Variants in BSN observed in about 807,000 individuals in gnomAD.
BSN encodes the protein protein bassoon.
In BSN, 57 loss-of-function variants were observed where a neutral mutation model predicts 264.8. The observed-to-expected ratio is 0.22, with a 90% CI of 0.17 to 0.27. BSN has a LOEUF of 0.27. BSN is among the 10% of genes least tolerant of loss of function. The pLI is 1.00. For synonymous variants in BSN, 2,059 were observed against 2,137.3 expected (o/e 0.96, Z 1.01); for missense variants, 4,615 against 5,232.5 (o/e 0.88, Z 3.64).
At chr3:49,645,592 C>T (rs1299887280) in intron 3 of BSN, among the ~76,000 whole-genome samples, 2 of 152,214 alleles carry the variant, frequency 1.3e-5, no homozygotes, top group African/African-American at 2.4e-5. Context: ...TGCAGCTTCA[C>T]CTGCCTTGGG....
At chr3:49,596,228 C>T (rs1277147978) in intron 1 of BSN, among the ~76,000 whole-genome samples, 1 of 152,022 alleles carries the variant, frequency 6.6e-6, no homozygotes, top group East Asian at 1.9e-4. Context: ...CACGGTGAAA[C>T]CCTGTCTCTA....
intron 2 of BSN, among the ~76,000 whole-genome samples, chr3:49,637,599 A>G (rs2052428937): frequency 2.6e-5 from 4 of 152,284 alleles, no homozygotes; most frequent in Admixed American, 2.0e-4. Flanking sequence ...GGCCAGTGCC[A>G]CCTTAGCTGC....
Position 49,658,044 on chromosome 3 carries a change from G to A in BSN, c.8488G>A (p.Ala2830Thr), listed in dbSNP as rs1413486534. Residue 2830 changes from alanine to threonine, a missense_variant, in exon 5 of 12, where the codon GCT becomes ACT. Physicochemically the swap from Ala to Thr is moderately conservative, Grantham distance 58. Around this residue, in one of 3 missense-constraint regions of BSN, gnomAD observed 3,415 missense variants for 3,866.4 expected, o/e 0.88. Transcript: ENST00000296452. ...AHVSPQKHFTADSALRQQTLP... is the reference protein window; with the variant it reads ...AHVSPQKHFTTDSALRQQTLP... ...CGTGAGTCCCCAGAAGCACTTCACG[G>A]CTGACAGCGCTCTCCGCCAGCAGAC... is the stretch of plus-strand genomic sequence containing the variant. The A allele has an allele frequency of 6.2e-7, 1 of 1,613,468 alleles. No homozygotes were observed. Among genetic ancestry groups the A allele is most frequent in the African/African-American group, 1.3e-5 (1 of 75,022 alleles).
At chr3:49,571,599 G>A (rs1341605450) in intron 1 of BSN, among the ~76,000 whole-genome samples, 1 of 152,122 alleles carries the variant, frequency 6.6e-6, no homozygotes, top group African/African-American at 2.4e-5. Flanking sequence ...AGCCCACTTT[G>A]GTAGTGCACT....
intron 2 of BSN, among the ~76,000 whole-genome samples, chr3:49,639,091 A>T (rs1559611239): frequency 6.6e-6 from 1 of 151,840 alleles, no homozygotes; most frequent in East Asian, 1.9e-4. Flanking sequence ...CCCAAGAATG[A>T]CCTTTCTAAA....
intron 1 of BSN, among the ~76,000 whole-genome samples, chr3:49,587,113 G>T (rs1279401670): frequency 6.6e-6 from 1 of 152,028 alleles, no homozygotes; most frequent in African/African-American, 2.4e-5. Flanking sequence ...TCCTTATAGA[G>T]ATCTTTTACT....
At chr3:49,607,452 G>C (rs936161737) in intron 1 of BSN, among the ~76,000 whole-genome samples, 1 of 152,184 alleles carries the variant, frequency 6.6e-6, no homozygotes, top group African/African-American at 2.4e-5. Flanking sequence ...AGGACTGCTT[G>C]GCAGTATATT....
chr3:49,606,066 TTATATA>T (rs1324157380), intron 1 of BSN, among the ~76,000 whole-genome samples: 1 of 88,816 alleles, frequency 1.1e-5, no homozygotes, highest in African/African-American at 4.7e-5. Context: ...TATAAATATA[TTATATA>T]AAAATATATA....
At chr3:49,604,970 T>C (rs2052100853) in intron 1 of BSN, among the ~76,000 whole-genome samples, 1 of 151,776 alleles carries the variant, frequency 6.6e-6, no homozygotes, top group South Asian at 2.1e-4. Flanking sequence ...AATATATTAA[T>C]ATTTGCAGGC....
At position 49,660,884 on chromosome 3, in the gene BSN, G is replaced by C. The variant is rs145502370; in HGVS notation, c.9039G>C (p.Ser3013=). The C allele has an allele frequency of 1.2e-6, 2 of 1,613,050 alleles. No individual in the cohort carries two copies. The highest frequency in any genetic ancestry group is 1.7e-6 in the Non-Finnish European group (2 of 1,179,988). ...RGLGEHRDYL[S]DSELNQLRLQ... is the part of the protein sequence containing the mutation. ...TTGGCGAGCATCGTGACTACCTATCGGACAGTGAGCTCAACCAGCTGCGGC... is the reference window on the plus strand; with the variant it reads ...TTGGCGAGCATCGTGACTACCTATCCGACAGTGAGCTCAACCAGCTGCGGC... Residue 3013 remains serine (S), a synonymous_variant, in exon 6 of 12, where the codon TCG becomes TCC. Coordinates refer to ENST00000296452, the MANE Select transcript of BSN (RefSeq NM_003458.4). The surrounding 1 kb of genome is among the most constrained non-coding windows in gnomAD (Gnocchi z 7.1).
intron 1 of BSN, among the ~76,000 whole-genome samples, chr3:49,603,590 G>T (rs1211684678): frequency 6.6e-6 from 1 of 152,222 alleles, no homozygotes; most frequent in Non-Finnish European, 1.5e-5. Context: ...AGGTTTGTGG[G>T]TGTGTTAGGT....
intron 3 of BSN, among the ~76,000 whole-genome samples, chr3:49,649,960 T>C (rs1016513694): frequency 2.0e-5 from 3 of 152,172 alleles, no homozygotes; most frequent in African/African-American, 7.2e-5. Flanking sequence ...TACCTGAGGG[T>C]CTCTGCTGGC....
At chr3:49,587,961 G>T (rs2051949636) in intron 1 of BSN, among the ~76,000 whole-genome samples, 1 of 102,318 alleles carries the variant, frequency 9.8e-6, no homozygotes, top group Non-Finnish European at 2.2e-5. Context: ...TCGCTCTGTC[G>T]CCTGGGCTGG....
At chr3:49,580,035 A>G (rs2051883222) in intron 1 of BSN, among the ~76,000 whole-genome samples, 1 of 152,218 alleles carries the variant, frequency 6.6e-6, no homozygotes, top group Non-Finnish European at 1.5e-5. Context: ...CTATAGTAAC[A>G]AGATATATTG....
Position 49,642,981 on chromosome 3 carries a change from G to T in BSN, c.1347G>T (p.Ser449=). The part of the protein sequence containing the change: ...KHGRAEHQAA[S]KAAAKPKTMP... The stretch of plus-strand genomic sequence containing the variant: ...GCAGAGCAGAACATCAGGCAGCATC[G>T]AAGGCTGCTGCCAAGCCAAAGACCA... The change falls in exon 3 of 12, where the codon TCG becomes TCT. Residue 449 remains serine, a synonymous_variant. Transcript: ENST00000296452. This position sits in a 1 kb window ranked among gnomAD's most constrained non-coding sequence, Gnocchi z 7.0. 1 of 1,613,990 alleles carries T rather than the reference G, an allele frequency of 6.2e-7. No homozygotes were observed. The highest frequency in any genetic ancestry group is 8.5e-7 in the Non-Finnish European group (1 of 1,180,024).
Position 49,662,503 on chromosome 3 carries a change from A to G in BSN, c.10658A>G (p.Tyr3553Cys), listed in dbSNP as rs551385691. 575 of 1,612,654 alleles carry G rather than the reference A, an allele frequency of 3.6e-4. 8 individuals are homozygous for G. In the South Asian group the frequency reaches 5.8e-3, roughly 16 times the overall value. ...HVKDGPRAHAYKREEGYILDD... is the reference protein window; with the variant it reads ...HVKDGPRAHACKREEGYILDD... Reference sequence around the variant, plus strand: ...AAGGACGGACCTCGGGCCCACGCATATAAGCGTGAGGAGGGCTACATCCTG... The same window carrying G: ...AAGGACGGACCTCGGGCCCACGCATGTAAGCGTGAGGAGGGCTACATCCTG... The change falls in exon 6 of 12, where the codon TAT becomes TGT. Residue 3553 changes from tyrosine (Y) to cysteine (C), a missense_variant. By Grantham distance (194) the Tyr-to-Cys change is radical. This residue lies in a region of BSN where 3,415 missense variants were observed against 3,866.4 expected (regional missense o/e 0.88). Transcript: ENST00000296452.
At chr3:49,565,903 C>A (rs1343520355) in intron 1 of BSN, among the ~76,000 whole-genome samples, 1 of 152,122 alleles carries the variant, frequency 6.6e-6, no homozygotes, top group African/African-American at 2.4e-5. Flanking sequence ...CTCACTGTAA[C>A]CTCCACCTCA....
rs780669228 is a variant in BSN, at chr3:49,652,599, C to T, written c.3043C>T (p.Arg1015Cys). The T allele has an allele frequency of 3.8e-5, 61 of 1,613,310 alleles. No individual in the cohort carries two copies. Among genetic ancestry groups the T allele is most frequent in the Non-Finnish European group, 3.1e-5 (37 of 1,179,922 alleles). Residue 1015 changes from arginine to cysteine, a missense_variant, in exon 5 of 12, where the codon CGT (arginine) becomes TGT (cysteine). Physicochemically the swap from Arg to Cys is radical, Grantham distance 180 (BLOSUM62 -3). This residue lies in a region of BSN where 1,197 missense variants were observed against 1,348.0 expected (regional missense o/e 0.89). Transcript: ENST00000296452. Reference protein sequence around the residue: ...DSDSSPSRRQRLEEAKQQRKA... With the variant: ...DSDSSPSRRQCLEEAKQQRKA... ...TGACAGCAGCCCCAGCCGCAGGCAG[C>T]GTCTAGAAGAAGCAAAGCAGCAGCG...
chr3:49,612,637 A>C (rs2052217506), intron 1 of BSN, among the ~76,000 whole-genome samples: 1 of 152,232 alleles, frequency 6.6e-6, no homozygotes, highest in Admixed American at 6.5e-5. Flanking sequence ...GAATTACCCA[A>C]GGAATTGAGC....
Sources: gnomAD v4.1 joint callset for allele counts (sites outside exome capture counted in the v4.1 genomes callset) on GRCh38, gnomAD v4.1.1 for gene constraint, gnomAD v4.1.1 regional missense constraint, Gnocchi (gnomAD v3.1) non-coding constraint, MANE v1.5 for transcripts, NCBI Gene and HGNC (gene_info 2026-07-23, HGNC 2026-07-21) for gene names.